The following CNOT1 variants were observed in gnomAD, a reference collection of about 807,000 sequenced individuals.
CNOT1 encodes the protein CCR4-associated factor 1.
In CNOT1, 15 loss-of-function variants were observed where a neutral mutation model predicts 273.8. That is an observed-to-expected ratio of 0.05 (90% confidence interval 0.04 to 0.08). The LOEUF (loss-of-function observed/expected upper bound fraction) is 0.08. Ranked by LOEUF, CNOT1 falls within the 10% of genes least tolerant of loss-of-function variation. The pLI, the probability that CNOT1 is intolerant of heterozygous loss-of-function variation, is 1.00. For synonymous variants in CNOT1, 1,022 were observed against 1,005.5 expected, an observed-to-expected ratio of 1.02 and a Z score of -0.31; for missense variants, 1,644 against 2,912.2, an observed-to-expected ratio of 0.56 and a Z score of 10.02.
rs1395057895 is a variant in CNOT1 at position 58,587,816 on chromosome 16, C to T, written c.273G>A (p.Leu91=). The change falls in exon 4 of 49, where the codon CTG becomes CTA. Residue 91 remains leucine (L), a synonymous_variant. Coordinates refer to ENST00000317147, the MANE Select transcript of CNOT1 (RefSeq NM_016284.5). ...LITKPNFIST[L]SYAIDNPLHY... ...GCAATGGATTATCAATGGCATAGGA[C>T]AGCGTCGAGATAAAATTTGGCTTTG... 6.2e-7 allele frequency: 1 copy of T among 1,613,770 alleles called. No homozygotes were observed. Among genetic ancestry groups the T allele is most frequent in the African/African-American group, 1.3e-5 (1 of 74,914 alleles).
chr16:58,567,117 T>C (rs545107876), intron 16 of CNOT1, among the ~76,000 whole-genome samples: 1 of 151,774 alleles, frequency 6.6e-6, no homozygotes, highest in South Asian at 2.1e-4. Flanking sequence ...CCTGTGAACA[T>C]GCACTGTACT....
At chr16:58,627,303 G>A (rs1316464794) in intron 1 of CNOT1, among the ~76,000 whole-genome samples, 1 of 150,222 alleles carries the variant, frequency 6.7e-6, no homozygotes, top group Non-Finnish European at 1.5e-5. Context: ...CTACTCGAGG[G>A]GCTGAGGCAG....
intron 41 of CNOT1, 74 bp downstream of exon 41, chr16:58,532,158 A>G (rs528824460): frequency 6.2e-7 from 1 of 1,606,230 alleles, no homozygotes; most frequent in East Asian, 2.2e-5. Context: ...CAAAATGCTC[A>G]AGAGTTCTAC....
At chr16:58,553,716 A>G in intron 22 of CNOT1, 66 bp downstream of exon 22, 1 of 1,534,932 alleles carries the variant, frequency 6.5e-7, no homozygotes, top group Non-Finnish European at 8.7e-7. Context: ...TACAAAAAAA[A>G]GCCAAAATAT....
chr16:58,534,462 A>G, intron 39 of CNOT1, 67 bp from the exon 40 acceptor site: 1 of 1,530,934 alleles, frequency 6.5e-7, no homozygotes, highest in South Asian at 1.2e-5. Context: ...ATATACCTTT[A>G]ATTTTCAGGC....
At position 58,551,961 on chromosome 16, in the gene CNOT1, G is replaced by A. The variant is rs540841935; in HGVS notation, c.2971-142C>T. On this transcript the variant is annotated intron_variant, in intron 22 of 48. Transcript: ENST00000317147. The stretch of plus-strand genomic sequence containing the variant: ...CACATACTCTTTGCCCCATACCCTG[G>A]CACTAATACATAAGTAGATTCCATG... 2.9e-5 allele frequency: 30 copies of A among 1,031,598 alleles called. 1 individual carries two copies. The Admixed American group carries it at 6.7e-4, about 23-fold the overall frequency. The allele number at this position is 1,031,598 out of a possible 1,614,324, so 63.9% of individuals were successfully genotyped here.
chr16:58,531,912 C>A (rs761242702), intron 42 of CNOT1, 46 bp downstream of exon 42: 3 of 1,603,232 alleles, frequency 1.9e-6, no homozygotes, highest in Non-Finnish European at 2.6e-6. Flanking sequence ...TAAATAAGCC[C>A]AGGTAGTTAT....
intron 23 of CNOT1, 89 bp downstream of exon 23, chr16:58,551,500 T>TTAAA: frequency 7.1e-7 from 1 of 1,410,368 alleles, no homozygotes; most frequent in Non-Finnish European, 9.9e-7. Flanking sequence ...AGTAGGCATG[T>TTAAA]GTTATGATAA....
chr16:58,524,619 T>C (rs1191707347), intron 46 of CNOT1, among the ~76,000 whole-genome samples: 1 of 152,116 alleles, frequency 6.6e-6, no homozygotes, highest in Non-Finnish European at 1.5e-5. Context: ...CCCTAAAATA[T>C]ATGTATGCAA....
At chr16:58,526,975 G>C (rs2039610193) in intron 44 of CNOT1, among the ~76,000 whole-genome samples, 1 of 152,168 alleles carries the variant, frequency 6.6e-6, no homozygotes, top group African/African-American at 2.4e-5. Context: ...AGGCTGAAGT[G>C]CACTATGTTC....
At chr16:58,594,547 T>TA (rs2042181677) in intron 2 of CNOT1, among the ~76,000 whole-genome samples, 2 of 152,090 alleles carry the variant, frequency 1.3e-5, no homozygotes, top group African/African-American at 4.8e-5. Flanking sequence ...CTCACGTCTG[T>TA]AATCCCAGAA....
intron 31 of CNOT1, chr16:58,543,269 C>A (rs903676335): frequency 3.2e-6 from 5 of 1,545,028 alleles, no homozygotes; most frequent in Non-Finnish European, 4.4e-6. Context: ...TTGTATCGGC[C>A]TTCTCAAACA....
At chr16:58,611,990 G>GCAA (rs2042918911) in intron 1 of CNOT1, among the ~76,000 whole-genome samples, 1 of 151,986 alleles carries the variant, frequency 6.6e-6, no homozygotes, top group Non-Finnish European at 1.5e-5. Context: ...TAACAGAAGG[G>GCAA]GTCTTGCTCT....
intron 1 of CNOT1, among the ~76,000 whole-genome samples, chr16:58,624,180 T>C (rs2043466445): frequency 6.6e-6 from 1 of 152,186 alleles, no homozygotes; most frequent in South Asian, 2.1e-4. Context: ...GCTTTCAACC[T>C]GTGGGATCTG....
intron 1 of CNOT1, among the ~76,000 whole-genome samples, chr16:58,620,357 G>A (rs917191313): frequency 6.6e-6 from 1 of 152,058 alleles, no homozygotes; most frequent in Admixed American, 6.6e-5. Context: ...AAAAGACGAA[G>A]AGGCTGGGTG....
intron 13 of CNOT1, 136 bp downstream of exon 13, chr16:58,578,563 T>C: frequency 7.1e-7 from 1 of 1,407,022 alleles, no homozygotes; most frequent in Admixed American, 2.7e-5. Context: ...TAAAACAAGT[T>C]TTATGACAGT....
intron 8 of CNOT1, among the ~76,000 whole-genome samples, chr16:58,584,768 T>C (rs1474294335): frequency 1.3e-5 from 2 of 152,216 alleles, no homozygotes; most frequent in South Asian, 4.1e-4. Context: ...TTTTAAAACA[T>C]AAGGATTTTT....
At chr16:58,602,147 C>T (rs1357237480) in intron 1 of CNOT1, among the ~76,000 whole-genome samples, 1 of 151,988 alleles carries the variant, frequency 6.6e-6, no homozygotes, top group Non-Finnish European at 1.5e-5. Flanking sequence ...TGGCTCACTG[C>T]AACCTCCACC....
rs1404109684 is a variant in CNOT1, at chr16:58,548,686, T to G, written c.3523-1004A>C. 1.1e-5 allele frequency: 5 copies of G among 472,310 alleles called. No homozygotes were observed. In the East Asian group the frequency reaches 2.8e-4, roughly 27 times the overall value. The allele number at this position is 472,310 out of a possible 1,614,324, so 29.3% of individuals were successfully genotyped here. ...TGAGCAAAGAATGACCACAGCTGTA[T>G]GCTGGTTCTAGAAGTTTTTCCTCCT... On this transcript the variant is annotated intron_variant, in intron 25 of 48. Transcript: ENST00000317147.
Sources: allele counts gnomAD v4.1 joint callset (sites outside exome capture counted in the v4.1 genomes callset), GRCh38; gene constraint gnomAD v4.1.1; transcripts MANE v1.5; gene names NCBI Gene and HGNC (gene_info 2026-07-23, HGNC 2026-07-21).